Variants in TPP2 observed in about 807,000 individuals in gnomAD.
The protein encoded by TPP2 is tripeptidyl peptidase 2.
Under a neutral mutation model 155.9 loss-of-function variants are expected in TPP2, and 34 were observed. The ratio of observed to expected loss-of-function variants is 0.22; its 90% CI spans 0.17 to 0.29. TPP2 has a LOEUF of 0.29. Ranked by LOEUF, TPP2 falls within the 10% of genes least tolerant of loss-of-function variation. The probability of loss-of-function intolerance (pLI) is 1.00; values close to 1 mark genes in which losing one functional copy is unlikely to be tolerated. For missense variants in TPP2, 1,028 were observed against 1,522.3 expected, an observed-to-expected ratio of 0.68 and a Z score of 5.40; for synonymous variants, 510 against 529.4, an observed-to-expected ratio of 0.96 and a Z score of 0.50.
At chr13:102,634,215 T>A in intron 11 of TPP2, 117 bp downstream of exon 11, 1 of 1,359,632 alleles carries the variant, frequency 7.4e-7, no homozygotes, top group Non-Finnish European at 1.0e-6. Context: ...AAGTAGAGTT[T>A]AAGGTAACGA....
At chr13:102,662,926 A>T (rs978612425) in intron 25 of TPP2, among the ~76,000 whole-genome samples, 6 of 151,954 alleles carry the variant, frequency 3.9e-5, no homozygotes, top group African/African-American at 1.4e-4. Context: ...TTAAATTTTT[A>T]TTTTTTCTAG....
intron 25 of TPP2, among the ~76,000 whole-genome samples, chr13:102,661,976 C>T (rs901660282): frequency 4.6e-5 from 7 of 152,140 alleles, no homozygotes; most frequent in Non-Finnish European, 5.9e-5. Flanking sequence ...ATGTTGATGA[C>T]AGTTTATAGC....
intron 25 of TPP2, among the ~76,000 whole-genome samples, chr13:102,657,707 A>G (rs934032448): frequency 2.0e-5 from 3 of 152,154 alleles, no homozygotes; most frequent in African/African-American, 7.2e-5. Context: ...ATATATGTTT[A>G]TAGCTTTTCT....
At chr13:102,614,480 T>C (rs1880568563) in intron 3 of TPP2, among the ~76,000 whole-genome samples, 1 of 152,196 alleles carries the variant, frequency 6.6e-6, no homozygotes. Context: ...AGATGGGATA[T>C]AGCTTTCACT....
chr13:102,647,943 A>G (rs576142878), intron 21 of TPP2, among the ~76,000 whole-genome samples: 4 of 152,324 alleles, frequency 2.6e-5, no homozygotes, highest in Non-Finnish European at 5.9e-5. Context: ...TTTTATGTTG[A>G]CAAATGAAAA....
Position 102,604,809 on chromosome 13 carries a change from A to C in TPP2, c.182A>C (p.Lys61Thr). ...AATTTTCAGGTTACAACTGATGGAA[A>C]ACCAAAAATCGTTGATATCATTGAT... ...APGMQVTTDG[K>T]PKIVDIIDTT... Residue 61 changes from lysine (K) to threonine (T), a missense_variant, in exon 2 of 30, where the codon AAA becomes ACA. By Grantham distance (78) the Lys-to-Thr change is moderately conservative. Around this residue, in one of 7 missense-constraint regions of TPP2, gnomAD observed 300 missense variants for 398.3 expected, o/e 0.75. Transcript: ENST00000376052. 1.2e-6 allele frequency: 2 copies of C among 1,610,848 alleles called. No individual in the cohort carries two copies. The highest frequency in any genetic ancestry group is 8.5e-7 in the Non-Finnish European group (1 of 1,179,290).
At chr13:102,618,613 A>G in intron 4 of TPP2, 109 bp from the exon 5 acceptor site, 2 of 1,390,868 alleles carry the variant, frequency 1.4e-6, no homozygotes, top group Non-Finnish European at 1.9e-6. Context: ...ACATTTTTTC[A>G]GGGTAAAATA....
At chr13:102,606,704 C>T (rs1160404954) in intron 2 of TPP2, among the ~76,000 whole-genome samples, 4 of 152,156 alleles carry the variant, frequency 2.6e-5, no homozygotes, top group Non-Finnish European at 4.4e-5. Flanking sequence ...CGTACCATAA[C>T]GCAATCATGG....
At chr13:102,639,444 C>G (rs1192718306) in intron 15 of TPP2, among the ~76,000 whole-genome samples, 1 of 152,186 alleles carries the variant, frequency 6.6e-6, no homozygotes, top group Admixed American at 6.5e-5. Context: ...TATATTCCCT[C>G]GAAGTCCAGT....
intron 23 of TPP2, among the ~76,000 whole-genome samples, chr13:102,650,146 G>C (rs1349503236): frequency 6.6e-6 from 1 of 151,818 alleles, no homozygotes; most frequent in East Asian, 1.9e-4. Context: ...TTCCTTCTAT[G>C]TTTTCATTAC....
intron 2 of TPP2, among the ~76,000 whole-genome samples, chr13:102,608,759 C>G (rs528325119): frequency 6.6e-6 from 1 of 151,932 alleles, no homozygotes; most frequent in African/African-American, 2.4e-5. Context: ...CTGCTTCCTC[C>G]TCTCCTTTCT....
intron 10 of TPP2, chr13:102,631,590 AATG>A (rs1446540045): frequency 6.6e-6 from 1 of 152,226 alleles, no homozygotes; most frequent in Non-Finnish European, 1.5e-5. Context: ...AGTATTAGAG[AATG>A]TTTAAACCAG....
chr13:102,615,469 A>T (rs995594593), intron 3 of TPP2, among the ~76,000 whole-genome samples: 5 of 152,238 alleles, frequency 3.3e-5, no homozygotes, highest in Admixed American at 2.6e-4. Flanking sequence ...AGTATATTAA[A>T]TGTAATCAGC....
At chr13:102,635,206 C>G (rs948670948) in intron 11 of TPP2, among the ~76,000 whole-genome samples, 2 of 152,174 alleles carry the variant, frequency 1.3e-5, no homozygotes, top group African/African-American at 4.8e-5. Context: ...TTGAGTTCCC[C>G]TGGGGTTTAT....
At chr13:102,620,816 A>G (rs1388715907) in intron 5 of TPP2, among the ~76,000 whole-genome samples, 2 of 152,242 alleles carry the variant, frequency 1.3e-5, no homozygotes, top group Non-Finnish European at 2.9e-5. Context: ...AGAGGATTAC[A>G]TAAAGGAGAA....
At chr13:102,624,633 T>C (rs1365938235) in intron 6 of TPP2, among the ~76,000 whole-genome samples, 3 of 152,166 alleles carry the variant, frequency 2.0e-5, no homozygotes, top group Admixed American at 2.0e-4. Flanking sequence ...CTCAGCATAA[T>C]GATTTTGAGA....
chr13:102,615,450 A>C (rs1880646054), intron 3 of TPP2, among the ~76,000 whole-genome samples: 1 of 152,216 alleles, frequency 6.6e-6, no homozygotes, highest in Non-Finnish European at 1.5e-5. Flanking sequence ...GCATGACTGC[A>C]TTTTATATAG....
In TPP2 at chr13:102,657,093, C is replaced by G; in HGVS notation, c.3029C>G (p.Pro1010Arg). The change falls in exon 25 of 30, where the codon CCA (proline) becomes CGA (arginine). Residue 1010 changes from proline to arginine, a missense_variant. Physicochemically the swap from Pro to Arg is moderately radical, Grantham distance 103. Transcript: ENST00000376052. ...IPVHYYLIPP[P>R]TKTKNGSKDK... Reference sequence around the variant, plus strand: ...GTTCATTACTACTTAATACCTCCACCAACAAAGACTAAGAATGGCAGCAAA... The same window carrying G: ...GTTCATTACTACTTAATACCTCCACGAACAAAGACTAAGAATGGCAGCAAA... The G allele has an allele frequency of 6.3e-7, 1 of 1,588,634 alleles. No individual in the cohort carries two copies. Among genetic ancestry groups the G allele is most frequent in the Non-Finnish European group, 8.5e-7 (1 of 1,171,730 alleles).
At chr13:102,607,017 TC>T (rs1879885307) in intron 2 of TPP2, among the ~76,000 whole-genome samples, 1 of 152,122 alleles carries the variant, frequency 6.6e-6, no homozygotes, top group Admixed American at 6.5e-5. Flanking sequence ...AGAAGAGACA[TC>T]AGAGAGCTCT....
Sources: allele counts gnomAD v4.1 joint callset (sites outside exome capture counted in the v4.1 genomes callset), GRCh38; gene constraint gnomAD v4.1.1; regional missense constraint gnomAD v4.1.1; transcripts MANE v1.5; gene names NCBI Gene and HGNC (gene_info 2026-07-23, HGNC 2026-07-21).